Variants in INTS13 observed in about 807,000 individuals in gnomAD.
INTS13 encodes asunder, spermatogenesis regulator homolog (Drosphila).
In INTS13, 35 loss-of-function variants were observed where a neutral mutation model predicts 90.2. That is an observed-to-expected ratio of 0.39 (90% confidence interval 0.30 to 0.51). The LOEUF is 0.51. INTS13 is among the 20% of genes least tolerant of loss of function. The pLI is 0.80. For synonymous variants in INTS13, 309 were observed against 277.1 expected, an observed-to-expected ratio of 1.11 and a Z score of -1.14; for missense variants, 601 against 851.2, an observed-to-expected ratio of 0.71 and a Z score of 3.66.
intron 8 of INTS13, chr12:26,919,030 G>C (rs757481904): frequency 2.5e-5 from 10 of 398,056 alleles, no homozygotes; most frequent in Admixed American, 1.6e-4. Flanking sequence ...GCCAGGCTTC[G>C]TGGTATGCAC....
Position 26,924,432 on chromosome 12 carries a change from G to C in INTS13, c.727C>G (p.Leu243Val), listed in dbSNP as rs767401081. ...ACTAAAATATTCAATTTGGTAGCAAGATGCCGTCCTGCACGAACACTATGA... is the reference window on the plus strand; with the variant it reads ...ACTAAAATATTCAATTTGGTAGCAACATGCCGTCCTGCACGAACACTATGA... ...EVHSVRAGRH[L>V]ATKLNILVQQ... Residue 243 changes from leucine (L) to valine (V), a missense_variant, in exon 7 of 17, where the codon CTT (leucine) becomes GTT (valine). Leu to Val is a conservative substitution (Grantham distance 32, BLOSUM62 1). This residue lies in a region of INTS13 where 284 missense variants were observed against 387.7 expected (regional missense o/e 0.73). Coordinates refer to ENST00000261191, the MANE Select transcript of INTS13 (RefSeq NM_018164.3). 13 of 1,613,410 alleles carry C rather than the reference G, an allele frequency of 8.1e-6. No individual in the cohort carries two copies. The highest frequency in any genetic ancestry group is 1.7e-6 in the Non-Finnish European group (2 of 1,179,592).
intron 6 of INTS13, 33 bp from the exon 7 acceptor site, chr12:26,924,516 A>G (rs769068965): frequency 7.6e-6 from 12 of 1,575,994 alleles, no homozygotes; most frequent in Non-Finnish European, 8.6e-6. Context: ...AATAATCCAC[A>G]AAATATTAAT....
chr12:26,908,151 G>A (rs939790641), intron 15 of INTS13, among the ~76,000 whole-genome samples: 2 of 152,188 alleles, frequency 1.3e-5, no homozygotes, highest in Non-Finnish European at 2.9e-5. Context: ...ATTATAGGAA[G>A]AGAAAACATA....
chr12:26,926,850 G>C (rs966739839), intron 5 of INTS13, among the ~76,000 whole-genome samples: 2 of 152,184 alleles, frequency 1.3e-5, no homozygotes, highest in African/African-American at 4.8e-5. Context: ...AATGGGGTCT[G>C]GTCACCAGAA....
At chr12:26,920,082 C>T (rs184817687) in intron 8 of INTS13, among the ~76,000 whole-genome samples, 124 of 151,010 alleles carry the variant, frequency 8.2e-4, no homozygotes, top group African/African-American at 2.6e-3. Flanking sequence ...GAGCCAAGAT[C>T]GCGTCACTGC....
At chr12:26,912,262 T>G (rs1303669888) in intron 14 of INTS13, among the ~76,000 whole-genome samples, 1 of 151,878 alleles carries the variant, frequency 6.6e-6, no homozygotes, top group African/African-American at 2.4e-5. Flanking sequence ...ATGGTGAAAC[T>G]CCATCTCTAC....
Position 26,917,341 on chromosome 12 carries a change from A to G in INTS13, c.1069+11T>C, listed in dbSNP as rs754197936. Reference sequence around the variant, plus strand: ...TAATTTCAGTCAAAACCATTAAATAATTAAAGTTACCATTTAGAAGAAAAT... The same window carrying G: ...TAATTTCAGTCAAAACCATTAAATAGTTAAAGTTACCATTTAGAAGAAAAT... On this transcript the variant is annotated intron_variant, in intron 10 of 16. Transcript: ENST00000261191. The G allele has an allele frequency of 4.2e-6, 5 of 1,182,010 alleles. No homozygotes were observed. The South Asian group carries it at 8.5e-5, about 20-fold the overall frequency. 73.2% of individuals were successfully genotyped at this position (1,182,010 alleles called of 1,614,324 possible).
At chr12:26,929,021 T>TA (rs1283232675) in intron 3 of INTS13, 116 bp from the exon 4 acceptor site, 4 of 936,498 alleles carry the variant, frequency 4.3e-6, no homozygotes, top group African/African-American at 1.7e-5. Context: ...TGAACATTCT[T>TA]AAAAAAATAG....
At chr12:26,931,310 G>C (rs1938175923) in intron 3 of INTS13, among the ~76,000 whole-genome samples, 1 of 152,020 alleles carries the variant, frequency 6.6e-6, no homozygotes, top group Admixed American at 6.6e-5. Context: ...CAGGCATGGT[G>C]GCACACACCT....
intron 3 of INTS13, among the ~76,000 whole-genome samples, chr12:26,929,463 G>A (rs1938068063): frequency 6.6e-6 from 1 of 151,868 alleles, no homozygotes; most frequent in Non-Finnish European, 1.5e-5. Context: ...GCTCATGCCT[G>A]TAATCCCAGT....
At chr12:26,905,685 A>C in intron 16 of INTS13, 149 bp from the exon 17 acceptor site, 1 of 732,368 alleles carries the variant, frequency 1.4e-6, no homozygotes, top group Non-Finnish European at 2.1e-6. Context: ...GGGTTCCTCT[A>C]GCTAGGCCAA....
intron 16 of INTS13, among the ~76,000 whole-genome samples, chr12:26,905,977 T>G (rs574677178): frequency 3.3e-5 from 5 of 152,312 alleles, no homozygotes; most frequent in Middle Eastern, 3.4e-3. Context: ...CTTAATATTG[T>G]ATTCCTTAAT....
chr12:26,928,892 A>G lies in INTS13; in HGVS notation c.314T>C (p.Leu105Ser). Reference protein sequence around the residue: ...DQNLQELMAALAAVGPPNPRA... With the variant: ...DQNLQELMAASAAVGPPNPRA... ...AGGATTAGGAGGCCCAACAGCGGCT[A>G]ATGCTGCCATTAGCTAAGTAAAAGG... The change falls in exon 4 of 17, where the codon TTA becomes TCA. Residue 105 changes from leucine (L) to serine (S), a missense_variant. Leu to Ser is a moderately radical substitution (Grantham distance 145). This residue lies in a region of INTS13 where 284 missense variants were observed against 387.7 expected (regional missense o/e 0.73). Coordinates refer to ENST00000261191, the MANE Select transcript of INTS13 (RefSeq NM_018164.3). The G allele has an allele frequency of 6.2e-7, 1 of 1,614,168 alleles. No homozygotes were observed. Among genetic ancestry groups the G allele is most frequent in the African/African-American group, 1.3e-5 (1 of 75,068 alleles).
chr12:26,926,571 C>A (rs1372257353), intron 5 of INTS13, among the ~76,000 whole-genome samples: 1 of 152,186 alleles, frequency 6.6e-6, no homozygotes, highest in African/African-American at 2.4e-5. Context: ...AAAAAGTCCA[C>A]ATTGCAATAG....
intron 5 of INTS13, 29 bp from the exon 6 acceptor site, chr12:26,925,880 T>G: frequency 1.4e-6 from 2 of 1,469,234 alleles, no homozygotes; most frequent in Non-Finnish European, 1.9e-6. Context: ...ACTTAAAATT[T>G]AAGAATACAT....
At chr12:26,928,376 G>T in intron 4 of INTS13, 91 bp from the exon 5 acceptor site, 1 of 1,011,234 alleles carries the variant, frequency 9.9e-7, no homozygotes, top group East Asian at 2.5e-5. Flanking sequence ...TGGTGTTATA[G>T]ACATTTAAAG....
chr12:26,913,813 A>T, intron 13 of INTS13, 126 bp from the exon 14 acceptor site: 1 of 1,120,776 alleles, frequency 8.9e-7, no homozygotes, highest in Non-Finnish European at 1.3e-6. Context: ...GTGAAATTCT[A>T]GGCTACAATA....
chr12:26,923,661 T>C (rs1271695108), intron 7 of INTS13, among the ~76,000 whole-genome samples: 1 of 152,160 alleles, frequency 6.6e-6, no homozygotes, highest in Non-Finnish European at 1.5e-5. Context: ...AATGAACAGC[T>C]AGCAATAGAT....
chr12:26,906,129 T>C (rs1465585568), intron 16 of INTS13, among the ~76,000 whole-genome samples, 173 bp downstream of exon 16: 1 of 152,150 alleles, frequency 6.6e-6, no homozygotes, highest in African/African-American at 2.4e-5. Flanking sequence ...TCAATATAAC[T>C]AAGCCTTTTA....
Sources: gnomAD v4.1 joint callset for allele counts (sites outside exome capture counted in the v4.1 genomes callset) on GRCh38, gnomAD v4.1.1 for gene constraint, gnomAD v4.1.1 regional missense constraint, MANE v1.5 for transcripts, NCBI Gene and HGNC (gene_info 2026-07-23, HGNC 2026-07-21) for gene names.